Variants in TAOK1 observed in about 807,000 individuals in gnomAD.
The protein encoded by TAOK1 is serine/threonine-protein kinase TAO1.
TAOK1 carries 21 observed loss-of-function variants against 138.3 expected under a neutral mutation model. The observed-to-expected ratio is 0.15, with a 90% CI of 0.11 to 0.22. The LOEUF (loss-of-function observed/expected upper bound fraction) is 0.22, where lower values mean the gene tolerates loss of function less well. Among genes scored for constraint, TAOK1 ranks in the 10% least tolerant of loss-of-function variants. TAOK1 has a pLI of 1.00. For missense variants in TAOK1, 651 were observed against 1,227.7 expected (o/e 0.53, Z 7.02); for synonymous variants, 361 against 398.4 (o/e 0.91, Z 1.12).
At chr17:29,511,980 G>A (rs1734942752) in intron 15 of TAOK1, 1 of 152,036 alleles carries the variant, frequency 6.6e-6, no homozygotes, top group African/African-American at 2.4e-5. Context: ...AGTAGAATAT[G>A]CTGATTATTT....
chr17:29,410,130 G>C (rs7208675), intron 1 of TAOK1, among the ~76,000 whole-genome samples: 1 of 152,030 alleles, frequency 6.6e-6, no homozygotes, highest in South Asian at 2.1e-4. Context: ...TCTCATTGCT[G>C]TGTGAGCGGG....
chr17:29,487,163 T>G (rs1481636992), intron 8 of TAOK1, among the ~76,000 whole-genome samples: 4 of 147,108 alleles, frequency 2.7e-5, no homozygotes, highest in Admixed American at 1.4e-4. Flanking sequence ...GGATAATTGC[T>G]TGAACCTGGG....
intron 18 of TAOK1, among the ~76,000 whole-genome samples, chr17:29,533,484 G>A (rs982719494): frequency 2.6e-5 from 4 of 152,088 alleles, no homozygotes; most frequent in African/African-American, 9.7e-5. Context: ...GGAGGCCAAG[G>A]CAGGCGGCTG....
At chr17:29,494,678 T>G (rs2031375311) in intron 10 of TAOK1, among the ~76,000 whole-genome samples, 1 of 151,496 alleles carries the variant, frequency 6.6e-6, no homozygotes, top group South Asian at 2.1e-4. Flanking sequence ...TACCAAAAAT[T>G]AGCCGGGTGT....
chr17:29,417,390 G>A (rs958317908), intron 1 of TAOK1, among the ~76,000 whole-genome samples: 1 of 152,132 alleles, frequency 6.6e-6, no homozygotes, highest in Non-Finnish European at 1.5e-5. Context: ...TTCAGGATAA[G>A]CCCTTATTAG....
intron 13 of TAOK1, among the ~76,000 whole-genome samples, chr17:29,505,666 C>T (rs992822782): frequency 6.6e-6 from 1 of 151,502 alleles, no homozygotes; most frequent in Non-Finnish European, 1.5e-5. Flanking sequence ...TGCGCCATTG[C>T]ACTCCAGCCT....
intron 18 of TAOK1, among the ~76,000 whole-genome samples, chr17:29,531,252 C>T (rs534443303): frequency 6.6e-6 from 1 of 151,672 alleles, no homozygotes; most frequent in East Asian, 2.0e-4. Flanking sequence ...CAGGCATGAG[C>T]CACCACGCCC....
At chr17:29,463,142 C>T (rs2030570743) in intron 2 of TAOK1, among the ~76,000 whole-genome samples, 1 of 151,958 alleles carries the variant, frequency 6.6e-6, no homozygotes. Flanking sequence ...ATTCTTTATG[C>T]TATTCTTGTC....
chr17:29,483,086 A>C (rs1340294001), intron 8 of TAOK1, among the ~76,000 whole-genome samples: 3 of 151,960 alleles, frequency 2.0e-5, no homozygotes, highest in Non-Finnish European at 4.4e-5. Context: ...TTACTTATTT[A>C]TTTATTTTTG....
chr17:29,403,030 G>A (rs1238582228), intron 1 of TAOK1, among the ~76,000 whole-genome samples: 4 of 151,452 alleles, frequency 2.6e-5, no homozygotes, highest in South Asian at 2.1e-4. Flanking sequence ...GCATGGTGGC[G>A]GGCACCTGCA....
rs753702436 is a variant in TAOK1 at position 29,502,735 on chromosome 17, C to T, written c.1338+12C>T. 7 of 1,604,968 alleles carry T rather than the reference C, an allele frequency of 4.4e-6. No homozygotes were observed. In the South Asian group the frequency reaches 7.9e-5, roughly 18 times the overall value. On this transcript the variant is annotated intron_variant, in intron 13 of 19. Coordinates refer to ENST00000261716, the MANE Select transcript of TAOK1 (RefSeq NM_020791.4). ...GGACAGCATCACTGGTATGTACTTA[C>T]CCGAATTAGAGATAAATATATTTTT...
chr17:29,427,896 A>G (rs1010560341), intron 1 of TAOK1, among the ~76,000 whole-genome samples: 2 of 149,400 alleles, frequency 1.3e-5, no homozygotes, highest in East Asian at 2.0e-4. Flanking sequence ...ACTGCACTCC[A>G]GCCTGGGCAA....
At chr17:29,492,510 T>C (rs1371126088) in intron 10 of TAOK1, among the ~76,000 whole-genome samples, 1 of 152,210 alleles carries the variant, frequency 6.6e-6, no homozygotes, top group Non-Finnish European at 1.5e-5. Flanking sequence ...AAACATAGCT[T>C]AGCCAGGCGC....
intron 12 of TAOK1, among the ~76,000 whole-genome samples, chr17:29,499,003 A>T (rs1201836574): frequency 6.6e-6 from 1 of 152,116 alleles, no homozygotes; most frequent in Non-Finnish European, 1.5e-5. Flanking sequence ...CATTTGGAAA[A>T]TTCATGTTTT....
chr17:29,396,083 T>C (rs751435066), intron 1 of TAOK1, among the ~76,000 whole-genome samples: 5 of 152,172 alleles, frequency 3.3e-5, no homozygotes, highest in Non-Finnish European at 5.9e-5. Flanking sequence ...TAAAGTATTT[T>C]AGTTTTTAGT....
intron 9 of TAOK1, among the ~76,000 whole-genome samples, chr17:29,491,071 A>G (rs545611666): frequency 4.2e-4 from 64 of 152,350 alleles, no homozygotes; most frequent in Middle Eastern, 6.8e-3. Context: ...TAAAAAATAT[A>G]TTGAACACAG....
chr17:29,462,184 G>T (rs2030547332), intron 2 of TAOK1, among the ~76,000 whole-genome samples: 1 of 152,148 alleles, frequency 6.6e-6, no homozygotes, highest in African/African-American at 2.4e-5. Flanking sequence ...AATTGGCAGG[G>T]ATCACCTTAA....
In TAOK1 at chr17:29,522,550, G is replaced by A. The variant is rs985652799; in HGVS notation, c.2148+31G>A. On this transcript the variant is annotated intron_variant, in intron 17 of 19. Transcript: ENST00000261716. ...GTTAGCCTAAGCTTTTTGATAACAG[G>A]GAGGAGAATGAAAAGGTATCCATGT... The A allele has an allele frequency of 2.5e-6, 4 of 1,611,066 alleles. No individual in the cohort carries two copies. In the South Asian group the frequency reaches 3.3e-5, roughly 13 times the overall value.
At chr17:29,393,139 G>T (rs574467537) in intron 1 of TAOK1, among the ~76,000 whole-genome samples, 57 of 152,174 alleles carry the variant, frequency 3.7e-4, no homozygotes, top group African/African-American at 1.3e-3. Flanking sequence ...CTCCATTATG[G>T]CAAATTATGC....
Sources: gnomAD v4.1 joint callset for allele counts (sites outside exome capture counted in the v4.1 genomes callset) on GRCh38, gnomAD v4.1.1 for gene constraint, MANE v1.5 for transcripts, NCBI Gene and HGNC (gene_info 2026-07-23, HGNC 2026-07-21) for gene names.